The following GABRA6 variants were observed in gnomAD, a reference collection of about 807,000 sequenced individuals.
The protein encoded by GABRA6 is gamma-aminobutyric acid receptor subunit alpha-6.
A neutral mutation model predicts 47.3 loss-of-function variants in GABRA6; 45 were observed. The ratio of observed to expected loss-of-function variants is 0.95; its 90% CI spans 0.75 to 1.22. The LOEUF is 1.22. GABRA6 is among the 50% of genes most tolerant of loss of function. The probability of loss-of-function intolerance (pLI) is 0.00; values close to 1 mark genes in which losing one functional copy is unlikely to be tolerated. For synonymous variants in GABRA6, 219 were observed against 194.7 expected (o/e 1.12, Z -1.04); for missense variants, 583 against 549.3 (o/e 1.06, Z -0.61).
At position 161,701,493 on chromosome 5, in the gene GABRA6, C is replaced by T. The variant is rs760437044; in HGVS notation, c.1087-5C>T. ...TTGGGCTTAATATTTGTCTTTTTTC[C>T]ACAGCATCCTGACTCCAAATATCAT... is the stretch of plus-strand genomic sequence containing the variant. On this transcript the variant is annotated splice_polypyrimidine_tract_variant and splice_region_variant and intron_variant, in intron 8 of 8. Coordinates refer to ENST00000274545, the MANE Select transcript of GABRA6 (RefSeq NM_000811.3). The T allele has an allele frequency of 2.5e-5, 41 of 1,613,590 alleles. No individual in the cohort carries two copies. The Middle Eastern group carries it at 4.9e-4, about 19-fold the overall frequency.
intron 8 of GABRA6, 21 bp downstream of exon 8, chr5:161,692,221 T>A: frequency 6.2e-7 from 1 of 1,614,096 alleles, no homozygotes; most frequent in Non-Finnish European, 8.5e-7. Flanking sequence ...ACTTTTTCTA[T>A]CATTACCTAC....
intron 8 of GABRA6, among the ~76,000 whole-genome samples, chr5:161,699,791 T>A (rs1754947080): frequency 6.6e-6 from 1 of 151,940 alleles, no homozygotes; most frequent in Admixed American, 6.6e-5. Context: ...TTCCCTCATC[T>A]CCTCTTCAAG....
At chr5:161,695,858 G>A (rs1376766882) in intron 8 of GABRA6, among the ~76,000 whole-genome samples, 8 of 150,328 alleles carry the variant, frequency 5.3e-5, no homozygotes, top group Admixed American at 4.0e-4. Context: ...TTATGCATTC[G>A]TTGAATTATT....
intron 7 of GABRA6, among the ~76,000 whole-genome samples, chr5:161,690,768 T>G (rs144128655): frequency 6.6e-6 from 1 of 152,194 alleles, no homozygotes; most frequent in Admixed American, 6.5e-5. Flanking sequence ...CGTCAATTTT[T>G]TATGATTCAA....
rs139042954 is a variant in GABRA6 at position 161,699,044 on chromosome 5, C to T, written c.1087-2454C>T. On this transcript the variant is annotated intron_variant, in intron 8 of 8. Coordinates refer to ENST00000274545, the MANE Select transcript of GABRA6 (RefSeq NM_000811.3). The stretch of plus-strand genomic sequence containing the variant: ...ATGCACAGATTCACAAATGACTGCC[C>T]CCACCACATCTCTAAAAAACGGGGA... Among the ~76,000 whole-genome samples the T allele has an allele frequency of 3.1e-3, 474 of 152,166 alleles. 3 individuals carry two copies. Among genetic ancestry groups the T allele is most frequent in the African/African-American group, 0.011 (461 of 41,498 alleles).
intron 8 of GABRA6, among the ~76,000 whole-genome samples, chr5:161,694,062 C>T (rs1754847420): frequency 6.6e-6 from 1 of 152,026 alleles, no homozygotes; most frequent in Non-Finnish European, 1.5e-5. Context: ...AACAAAATAT[C>T]CTAGTCTGCA....
Position 161,701,479 on chromosome 5 carries a change from A to G in GABRA6, c.1087-19A>G. The G allele has an allele frequency of 6.2e-7, 1 of 1,613,372 alleles. No individual in the cohort carries two copies. Among genetic ancestry groups the G allele is most frequent in the East Asian group, 2.2e-5 (1 of 44,872 alleles). On this transcript the variant is annotated intron_variant, in intron 8 of 8. Coordinates refer to ENST00000274545, the MANE Select transcript of GABRA6 (RefSeq NM_000811.3). ...ATCTATTCTTTCATTTGGGCTTAAT[A>G]TTTGTCTTTTTTCCACAGCATCCTG... is the stretch of plus-strand genomic sequence containing the variant.
chr5:161,692,260 C>G, intron 8 of GABRA6, 60 bp downstream of exon 8: 1 of 1,602,714 alleles, frequency 6.2e-7, no homozygotes, highest in Non-Finnish European at 8.5e-7. Context: ...AAATAGTGAT[C>G]AGAAACAACG....
chr5:161,689,209 A>G (rs1416127121), intron 4 of GABRA6, 40 bp downstream of exon 4: 2 of 1,610,930 alleles, frequency 1.2e-6, no homozygotes, highest in Middle Eastern at 1.7e-4. Flanking sequence ...CCTAAATGAT[A>G]TGTCCATAAT....
intron 7 of GABRA6, among the ~76,000 whole-genome samples, chr5:161,691,339 A>G (rs1754787287): frequency 8.1e-6 from 1 of 122,926 alleles, no homozygotes. Context: ...TCTGTCGCAC[A>G]GGCTGGAGTG....
At chr5:161,690,035 C>T (rs41311631) in intron 6 of GABRA6, 166 bp from the exon 7 acceptor site, 42,613 of 710,826 alleles carry the variant, frequency 0.06, 1,506 homozygotes, top group Middle Eastern at 0.099. Flanking sequence ...TGTGTCTCTT[C>T]GCTCTATCAT....
At chr5:161,696,622 A>G (rs2113082755) in intron 8 of GABRA6, among the ~76,000 whole-genome samples, 1 of 152,086 alleles carries the variant, frequency 6.6e-6, no homozygotes, top group East Asian at 1.9e-4. Flanking sequence ...TGAACTCTCC[A>G]AACATTCTGA....
chr5:161,692,227 C>T, intron 8 of GABRA6, 27 bp downstream of exon 8: 1 of 1,614,010 alleles, frequency 6.2e-7, no homozygotes, highest in Non-Finnish European at 8.5e-7. Flanking sequence ...TCTATCATTA[C>T]CTACCGTAGG....
In GABRA6 at chr5:161,701,760, G is replaced by A. The variant is rs1424897570; in HGVS notation, c.1349G>A (p.Ser450Asn). The change falls in exon 9 of 9, where the codon AGC (serine) becomes AAC (asparagine). Residue 450 changes from serine (S) to asparagine (N), a missense_variant. Coordinates refer to ENST00000274545, the MANE Select transcript of GABRA6 (RefSeq NM_000811.3). ...YLSKDTMEVS[S>N]SVE ...TCCAAAGATACAATGGAAGTCAGTAGCAGTGTTGAATAGCTTGCGGCCAGG... is the reference window on the plus strand; with the variant it reads ...TCCAAAGATACAATGGAAGTCAGTAACAGTGTTGAATAGCTTGCGGCCAGG... 1 of 1,613,998 alleles carries A rather than the reference G, an allele frequency of 6.2e-7. No homozygotes were observed. The highest frequency in any genetic ancestry group is 8.5e-7 in the Non-Finnish European group (1 of 1,179,980).
chr5:161,696,221 A>G (rs1754883036), intron 8 of GABRA6, among the ~76,000 whole-genome samples: 3 of 152,014 alleles, frequency 2.0e-5, no homozygotes, highest in South Asian at 2.1e-4. Context: ...TAAGTTATAT[A>G]CCCTTCCTGT....
intron 8 of GABRA6, among the ~76,000 whole-genome samples, chr5:161,697,708 C>T (rs1346458021): frequency 6.6e-6 from 1 of 152,106 alleles, no homozygotes; most frequent in African/African-American, 2.4e-5. Context: ...GAGTGATTGG[C>T]CCCAAAAGAT....
chr5:161,693,918 G>A (rs1294889090), intron 8 of GABRA6, among the ~76,000 whole-genome samples: 1 of 152,122 alleles, frequency 6.6e-6, no homozygotes, highest in Non-Finnish European at 1.5e-5. Flanking sequence ...CCTAAAGACT[G>A]AAATATGCCA....
rs1166084708 is a variant in GABRA6 at position 161,698,189 on chromosome 5, T to C, written c.1087-3309T>C. Among the ~76,000 whole-genome samples, 4 of 152,284 alleles carry C rather than the reference T, an allele frequency of 2.6e-5. No homozygotes were observed. In the East Asian group the frequency reaches 7.7e-4, roughly 29 times the overall value. ...AGGCACTGTGGAATGCTCATACATA[T>C]GAATAATGTGCCTTCTACCATTAAA... is the stretch of plus-strand genomic sequence containing the variant. On this transcript the variant is annotated intron_variant, in intron 8 of 8. Transcript: ENST00000274545.
At chr5:161,694,956 ATT>A (rs1288920977) in intron 8 of GABRA6, among the ~76,000 whole-genome samples, 1 of 152,184 alleles carries the variant, frequency 6.6e-6, no homozygotes, top group Admixed American at 6.5e-5. Context: ...ACAATGGTAT[ATT>A]TTGATTGCAA....
Sources: gnomAD v4.1 joint callset for allele counts (sites outside exome capture counted in the v4.1 genomes callset) on GRCh38, gnomAD v4.1.1 for gene constraint, MANE v1.5 for transcripts, NCBI Gene and HGNC (gene_info 2026-07-23, HGNC 2026-07-21) for gene names.